The following SNX25 variants were observed in gnomAD, a reference collection of about 807,000 sequenced individuals.
The protein encoded by SNX25 is sorting nexin 25, also known as sorting nexin-25.
In SNX25, 62 loss-of-function variants were observed where a neutral mutation model predicts 113.7. The observed-to-expected ratio is 0.55, with a 90% CI of 0.44 to 0.67. The LOEUF is 0.67. Among genes scored for constraint, SNX25 ranks in the 30% least tolerant of loss-of-function variants. The probability of loss-of-function intolerance (pLI) is 0.00; values close to 1 mark genes in which losing one functional copy is unlikely to be tolerated. For missense variants in SNX25, 1,014 were observed against 1,161.0 expected, an observed-to-expected ratio of 0.87 and a Z score of 1.84; for synonymous variants, 421 against 436.2, an observed-to-expected ratio of 0.97 and a Z score of 0.43.
In SNX25 at chr4:185,355,764, A is replaced by T. The variant is rs897928716; in HGVS notation, c.2585-1907A>T. Among the ~76,000 whole-genome samples the T allele has an allele frequency of 4.6e-5, 7 of 152,314 alleles. No homozygotes were observed. The South Asian group carries it at 1.4e-3, about 32-fold the overall frequency. On this transcript the variant is annotated intron_variant, in intron 15 of 18. Coordinates refer to ENST00000652585, the MANE Select transcript of SNX25 (RefSeq NM_001378034.2). ...ATATAGACAAATAGTAATCCACCCA[A>T]AGTCTGACTCTTGTTTGGTGAAATG...
At chr4:185,204,308 G>A (rs1407348633) in exon 1 of SNX25, 2 of 152,218 alleles carry the variant, frequency 1.3e-5, no homozygotes, top group Non-Finnish European at 2.9e-5. Context: ...AAGCTGCCTT[G>A]ATTATCTTGT....
intron 1 of SNX25, among the ~76,000 whole-genome samples, chr4:185,242,919 AG>A (rs1433497027): frequency 6.6e-6 from 1 of 152,148 alleles, no homozygotes; most frequent in East Asian, 1.9e-4. Flanking sequence ...ATAGTAACCC[AG>A]TTATTTTTGG....
At chr4:185,293,866 C>A (rs141603544) in intron 6 of SNX25, among the ~76,000 whole-genome samples, 1 of 151,892 alleles carries the variant, frequency 6.6e-6, no homozygotes, top group Non-Finnish European at 1.5e-5. Context: ...ATGTAAAACA[C>A]GATCGTTTAT....
At chr4:185,309,258 C>A (rs79099725) in intron 6 of SNX25, among the ~76,000 whole-genome samples, 129 of 152,302 alleles carry the variant, frequency 8.5e-4, no homozygotes, top group Non-Finnish European at 1.4e-3. Context: ...AGGTGAGCCA[C>A]TTACATAGTG....
At chr4:185,362,950 C>G (rs1026705897) in intron 18 of SNX25, among the ~76,000 whole-genome samples, 5 of 147,828 alleles carry the variant, frequency 3.4e-5, no homozygotes, top group Non-Finnish European at 7.4e-5. Context: ...TCAAGTGATT[C>G]TCCTGCCTCA....
At chr4:185,289,831 T>G (rs1385037876) in intron 6 of SNX25, among the ~76,000 whole-genome samples, 1 of 152,200 alleles carries the variant, frequency 6.6e-6, no homozygotes, top group African/African-American at 2.4e-5. Context: ...AATACCTTTC[T>G]TATTTTGTTA....
In SNX25 at chr4:185,216,513, G is replaced by GTTTTTTT. The variant is rs34410263; in HGVS notation, c.429+6275_429+6281dup. 1.1e-3 allele frequency among the ~76,000 whole-genome samples: 107 copies of GTTTTTTT among 96,732 alleles called. 3 individuals carry two copies. The highest frequency in any genetic ancestry group is 3.6e-3 in the African/African-American group (92 of 25,598). The allele number at this position is 96,732 out of a possible 152,430, so 63.5% of individuals were successfully genotyped here. A position where few individuals can be genotyped will look rare whatever the true frequency, so the allele number is the denominator to read the frequency against. On this transcript the variant is annotated intron_variant, in intron 1 of 18. Coordinates refer to ENST00000652585, the MANE Select transcript of SNX25 (RefSeq NM_001378034.2). Reference sequence around the variant, plus strand: ...AGGAAATGACAAAAGTGTGTATTTGGTTTTTTTTTTTTTTTTTTTTTTTGA... The same window carrying GTTTTTTT: ...AGGAAATGACAAAAGTGTGTATTTGGTTTTTTTTTTTTTTTTTTTTTTTTTTTTTTGA...
chr4:185,363,601 T>C lies in SNX25; in HGVS notation c.*136T>C. 1.3e-6 allele frequency: 1 copy of C among 768,204 alleles called. No homozygotes were observed. Among genetic ancestry groups the C allele is most frequent in the Non-Finnish European group, 2.1e-6 (1 of 480,594 alleles). The allele number at this position is 768,204 out of a possible 1,614,324, so 47.6% of individuals were successfully genotyped here. On this transcript the variant is annotated 3_prime_UTR_variant, in exon 19 of 19. Coordinates refer to ENST00000652585, the MANE Select transcript of SNX25 (RefSeq NM_001378034.2). This position sits in a 1 kb window ranked among gnomAD's most constrained non-coding sequence, Gnocchi z 4.2. The stretch of plus-strand genomic sequence containing the variant: ...TACCTCCCTCTAGTTTTATGTGAAA[T>C]TAGTAGAATCAGGGAGGACGGGACT...
intron 5 of SNX25, among the ~76,000 whole-genome samples, chr4:185,286,708 G>A (rs1382053673): frequency 1.3e-5 from 2 of 152,200 alleles, no homozygotes; most frequent in Non-Finnish European, 2.9e-5. Context: ...GGAAGGAAGG[G>A]AGACTGGACG....
At chr4:185,257,176 G>GA (rs11332633) in intron 2 of SNX25, among the ~76,000 whole-genome samples, 4,261 of 106,270 alleles carry the variant, frequency 0.04, 93 homozygotes, top group African/African-American at 0.074. Flanking sequence ...TTTGAAAAGT[G>GA]AAAAAAAAAA....
chr4:185,364,503 A>G (rs773472880), downstream of SNX25: 2 of 152,202 alleles, frequency 1.3e-5, no homozygotes, highest in Non-Finnish European at 2.9e-5. Flanking sequence ...TCCCTGAAAG[A>G]TACTCCCCTC....
chr4:185,294,685 A>G (rs1305331267), intron 6 of SNX25, among the ~76,000 whole-genome samples: 1 of 152,230 alleles, frequency 6.6e-6, no homozygotes, highest in African/African-American at 2.4e-5. Context: ...CTGCCGCATT[A>G]TTAGAGCAGA....
At chr4:185,368,656 TAATGTAC>T (rs1160412365), downstream of SNX25, among the ~76,000 whole-genome samples, 7 of 152,334 alleles carry the variant, frequency 4.6e-5, no homozygotes, top group East Asian at 1.3e-3. Context: ...AGTATCCCCA[TAATGTAC>T]AATGGCCTAA....
chr4:185,247,718 A>G (rs1745059015), intron 2 of SNX25, among the ~76,000 whole-genome samples: 1 of 151,880 alleles, frequency 6.6e-6, no homozygotes, highest in Non-Finnish European at 1.5e-5. Flanking sequence ...CTATGTTGGG[A>G]TAAATAGACT....
chr4:185,250,218 A>G (rs1356615243), intron 2 of SNX25, among the ~76,000 whole-genome samples: 3 of 152,064 alleles, frequency 2.0e-5, no homozygotes, highest in African/African-American at 7.2e-5. Flanking sequence ...CATAGACTTA[A>G]CTCCTCTGGT....
At position 185,213,508 on chromosome 4, in the gene SNX25, C is replaced by T. The variant is rs115451213; in HGVS notation, c.429+3253C>T. ...GGACTCTTGTTACAGGTGAGCAGAG[C>T]GGAGCGGAACTGTGATGCTCTAGGG... On this transcript the variant is annotated intron_variant, in intron 1 of 18. Transcript: ENST00000652585. 5.2e-3 allele frequency among the ~76,000 whole-genome samples: 786 copies of T among 152,220 alleles called. 5 individuals carry two copies. Among genetic ancestry groups the T allele is most frequent in the African/African-American group, 0.017 (724 of 41,522 alleles).
intron 5 of SNX25, among the ~76,000 whole-genome samples, chr4:185,284,076 C>T (rs895124315): frequency 1.3e-5 from 2 of 152,120 alleles, no homozygotes; most frequent in Non-Finnish European, 2.9e-5. Context: ...TGAGTGCCTA[C>T]CATATGTTTA....
intron 6 of SNX25, among the ~76,000 whole-genome samples, chr4:185,303,208 C>A (rs1368045414): frequency 6.6e-6 from 1 of 152,156 alleles, no homozygotes; most frequent in East Asian, 1.9e-4. Flanking sequence ...GGGTGTATAT[C>A]TCAAATCTGC....
intron 11 of SNX25, among the ~76,000 whole-genome samples, chr4:185,340,932 T>A (rs1222792655): frequency 1.3e-5 from 2 of 152,176 alleles, no homozygotes. Flanking sequence ...GTGCCTGTAT[T>A]CTGTGCTAGC....
Sources: gnomAD v4.1 joint callset for allele counts (sites outside exome capture counted in the v4.1 genomes callset) on GRCh38, gnomAD v4.1.1 for gene constraint, Gnocchi (gnomAD v3.1) non-coding constraint, MANE v1.5 for transcripts, NCBI Gene and HGNC (gene_info 2026-07-23, HGNC 2026-07-21) for gene names.